HACD3: variants seen among roughly 807,000 people sequenced by gnomAD.
HACD3 encodes very-long-chain (3R)-3-hydroxyacyl-CoA dehydratase 3.
In HACD3, 30 loss-of-function variants were observed where a neutral mutation model predicts 55.2. The ratio of observed to expected loss-of-function variants is 0.54; its 90% CI spans 0.41 to 0.74. The LOEUF is 0.74. Among genes scored for constraint, HACD3 ranks in the 30% least tolerant of loss-of-function variants. The probability of loss-of-function intolerance (pLI) is 0.00; values close to 1 mark genes in which losing one functional copy is unlikely to be tolerated. For synonymous variants in HACD3, 141 were observed against 151.7 expected, an observed-to-expected ratio of 0.93 and a Z score of 0.52; for missense variants, 363 against 440.1, an observed-to-expected ratio of 0.82 and a Z score of 1.57.
Position 65,556,669 on chromosome 15 carries a change from G to A in HACD3, c.205-70G>A, listed in dbSNP as rs371706894. ...AATATATCCTGCAGCTTCTATGTAC[G>A]GCGCCCCTGGCATGGTGCTGCTTCA... On this transcript the variant is annotated intron_variant, in intron 3 of 10. Transcript: ENST00000261875. 1.2e-5 allele frequency: 18 copies of A among 1,441,910 alleles called. No individual in the cohort carries two copies. In the African/African-American group the frequency reaches 1.3e-4, roughly 10 times the overall value. The allele number at this position is 1,441,910 out of a possible 1,614,324, so 89.3% of individuals were successfully genotyped here.
intron 3 of HACD3, among the ~76,000 whole-genome samples, chr15:65,555,977 T>C (rs1324348242): frequency 6.6e-6 from 1 of 152,130 alleles, no homozygotes; most frequent in Admixed American, 6.5e-5. Context: ...CCAGGAACTA[T>C]TTGCCTTTCT....
intron 9 of HACD3, 94 bp from the exon 10 acceptor site, chr15:65,572,141 A>G: frequency 1.3e-6 from 2 of 1,516,000 alleles, no homozygotes; most frequent in South Asian, 1.2e-5. Context: ...CAGCACACCC[A>G]GAACTGAAAC....
chr15:65,546,845 A>C (rs1339638675), intron 1 of HACD3, among the ~76,000 whole-genome samples: 1 of 152,218 alleles, frequency 6.6e-6, no homozygotes, highest in Non-Finnish European at 1.5e-5. Flanking sequence ...CCCGGCAGCC[A>C]CCAGTGTGCT....
chr15:65,536,103 G>A (rs957729071), intron 1 of HACD3, among the ~76,000 whole-genome samples: 5 of 152,002 alleles, frequency 3.3e-5, no homozygotes, highest in Non-Finnish European at 7.4e-5. Flanking sequence ...CGCAACCTCC[G>A]CCTCCCAGCC....
At position 65,549,515 on chromosome 15, in the gene HACD3, G is replaced by T. The variant is rs188087523; in HGVS notation, c.88-2161G>T. On this transcript the variant is annotated intron_variant, in intron 1 of 10. Coordinates refer to ENST00000261875, the MANE Select transcript of HACD3 (RefSeq NM_016395.4). The stretch of plus-strand genomic sequence containing the variant: ...CTCGGGAGGCTGAAGCAGAAGAATC[G>T]CTTGAGCCTGGGAGGTGGAGGTTGC... Among the ~76,000 whole-genome samples the T allele has an allele frequency of 5.4e-5, 8 of 148,200 alleles. No homozygotes were observed. In the South Asian group the frequency reaches 1.5e-3, roughly 28 times the overall value.
chr15:65,554,423 A>G (rs536750976), intron 2 of HACD3, among the ~76,000 whole-genome samples: 11 of 152,250 alleles, frequency 7.2e-5, no homozygotes, highest in Admixed American at 7.2e-4. Flanking sequence ...CACACATTTT[A>G]ACAGGACCCA....
At position 65,542,242 on chromosome 15, in the gene HACD3, AAAAAG is replaced by A. The variant is rs1177076723; in HGVS notation, c.88-9421_88-9417del. Among the ~76,000 whole-genome samples, 1,345 of 140,500 alleles carry A rather than the reference AAAAAG, an allele frequency of 9.6e-3. 140 individuals carry two copies. Among genetic ancestry groups the A allele is most frequent in the Middle Eastern group, 0.031 (8 of 256 alleles). 92.2% of individuals were successfully genotyped at this position (140,500 alleles called of 152,430 possible). ...GACTCCATCTCAAAAAAAAAAAAAAAAAAAGAAAAGAAAAGAATATCTGTTTTGTA... is the reference window on the plus strand; with the variant it reads ...GACTCCATCTCAAAAAAAAAAAAAAAAAAAGAAAAGAATATCTGTTTTGTA... On this transcript the variant is annotated intron_variant, in intron 1 of 10. Transcript: ENST00000261875.
Position 65,559,056 on chromosome 15 carries a change from A to AGGCT in HACD3, c.421+326_421+329dup, listed in dbSNP as rs552086590. On this transcript the variant is annotated intron_variant, in intron 5 of 10. Coordinates refer to ENST00000261875, the MANE Select transcript of HACD3 (RefSeq NM_016395.4). ...TTGTGGAAATGATTGCATGGATCCA[A>AGGCT]GGCTACACTCCTTCAGCCTGGTGTT... Among the ~76,000 whole-genome samples the AGGCT allele has an allele frequency of 2.0e-5, 3 of 152,348 alleles. No homozygotes were observed. The South Asian group carries it at 6.2e-4, about 32-fold the overall frequency.
At chr15:65,548,156 G>A (rs1291043366) in intron 1 of HACD3, among the ~76,000 whole-genome samples, 1 of 152,184 alleles carries the variant, frequency 6.6e-6, no homozygotes, top group Non-Finnish European at 1.5e-5. Flanking sequence ...CAGGGTCTGT[G>A]TGTGCTATTA....
At chr15:65,534,050 C>A (rs1347092479) in intron 1 of HACD3, among the ~76,000 whole-genome samples, 7 of 136,854 alleles carry the variant, frequency 5.1e-5, no homozygotes, top group African/African-American at 1.1e-4. Flanking sequence ...GACTCCGTCT[C>A]AAAAAAAAAA....
At chr15:65,541,467 A>G (rs988379501) in intron 1 of HACD3, among the ~76,000 whole-genome samples, 1 of 152,346 alleles carries the variant, frequency 6.6e-6, no homozygotes. Flanking sequence ...GAAAACACAC[A>G]TCGTAGGGAA....
rs1596222540 is a variant in HACD3 at position 65,577,113 on chromosome 15, A to G, written c.*734A>G. On this transcript the variant is annotated 3_prime_UTR_variant, in exon 11 of 11. Transcript: ENST00000261875. ...ACTGAAGAAAAATGAAACATTATTTAGAAAACAATGAGATTACAAGTTCCA... is the reference window on the plus strand; with the variant it reads ...ACTGAAGAAAAATGAAACATTATTTGGAAAACAATGAGATTACAAGTTCCA... 6.6e-6 allele frequency: 1 copy of G among 152,342 alleles called. No individual in the cohort carries two copies. Among genetic ancestry groups the G allele is most frequent in the East Asian group, 1.9e-4 (1 of 5,194 alleles). The allele number at this position is 152,342 out of a possible 1,614,324, so 9.4% of individuals were successfully genotyped here. A position where few individuals can be genotyped will look rare whatever the true frequency, so the allele number is the denominator to read the frequency against.
At chr15:65,547,555 A>AC (rs1336117611) in intron 1 of HACD3, among the ~76,000 whole-genome samples, 1 of 152,234 alleles carries the variant, frequency 6.6e-6, no homozygotes, top group Admixed American at 6.5e-5. Flanking sequence ...ACATTGGACC[A>AC]CCCTTATTAG....
At chr15:65,546,953 GA>G (rs1189810933) in intron 1 of HACD3, among the ~76,000 whole-genome samples, 1 of 151,968 alleles carries the variant, frequency 6.6e-6, no homozygotes, top group African/African-American at 2.4e-5. Context: ...ATCAGTAAAG[GA>G]AAAAAAGCAC....
chr15:65,563,708 C>T (rs368744664), intron 6 of HACD3, among the ~76,000 whole-genome samples: 4 of 151,868 alleles, frequency 2.6e-5, no homozygotes, highest in East Asian at 1.9e-4. Context: ...TGGTGGCTCA[C>T]GCCTGTAATC....
At chr15:65,553,428 T>C (rs920782803) in intron 2 of HACD3, among the ~76,000 whole-genome samples, 1 of 152,164 alleles carries the variant, frequency 6.6e-6, no homozygotes, top group African/African-American at 2.4e-5. Flanking sequence ...ACTGCTCTAC[T>C]GGAGAGGGTG....
rs563313406 is a variant in HACD3, at chr15:65,558,702, T to A, written c.392T>A (p.Leu131His). Residue 131 changes from leucine (L) to histidine (H), a missense_variant, in exon 5 of 11, where the codon CTC becomes CAC. Leu to His is a moderately conservative substitution (Grantham distance 99). Coordinates refer to ENST00000261875, the MANE Select transcript of HACD3 (RefSeq NM_016395.4). The part of the protein sequence containing the change: ...RAKEEERLNK[L>H]RLESEGSPET... ...TAGGAAGAAGAGCGCCTAAATAAAC[T>A]CCGACTGGAAAGCGAAGGCTCTCCT... The A allele has an allele frequency of 6.2e-7, 1 of 1,600,996 alleles. No homozygotes were observed. Among genetic ancestry groups the A allele is most frequent in the Admixed American group, 1.7e-5 (1 of 58,086 alleles).
chr15:65,545,819 T>A (rs2072071471), intron 1 of HACD3, among the ~76,000 whole-genome samples: 1 of 152,146 alleles, frequency 6.6e-6, no homozygotes, highest in African/African-American at 2.4e-5. Context: ...GCCATCAAAA[T>A]TCGCAATTTA....
chr15:65,561,231 C>A (rs1254743177), intron 5 of HACD3, among the ~76,000 whole-genome samples: 3 of 152,084 alleles, frequency 2.0e-5, no homozygotes, highest in Non-Finnish European at 2.9e-5. Context: ...CTTTGGGAGG[C>A]CAAGGTGGGC....
Sources: allele counts gnomAD v4.1 joint callset (sites outside exome capture counted in the v4.1 genomes callset), GRCh38; gene constraint gnomAD v4.1.1; transcripts MANE v1.5; gene names NCBI Gene and HGNC (gene_info 2026-07-23, HGNC 2026-07-21).